The following ATXN7 variants were observed in gnomAD, a reference collection of about 807,000 sequenced individuals.
ATXN7 encodes ataxin-7.
Under a neutral mutation model 70.5 loss-of-function variants are expected in ATXN7, and 12 were observed. That is an observed-to-expected ratio of 0.17 (90% CI 0.11 to 0.28). ATXN7 has a LOEUF of 0.28. Among genes scored for constraint, ATXN7 ranks in the 10% least tolerant of loss-of-function variants. ATXN7 has a pLI of 1.00. For missense variants in ATXN7, 1,256 were observed against 1,131.7 expected (o/e 1.11, Z -1.58); for synonymous variants, 498 against 448.7 (o/e 1.11, Z -1.39).
intron 1 of ATXN7, chr3:63,866,947 A>G (rs1320019473): frequency 4.6e-5 from 7 of 151,006 alleles, no homozygotes; most frequent in Non-Finnish European, 8.8e-5. Flanking sequence ...TATTTGAGTC[A>G]TAAGATTTCT....
intron 5 of ATXN7, chr3:63,968,259 C>T: frequency 2.8e-6 from 1 of 360,438 alleles, no homozygotes; most frequent in African/African-American, 2.0e-5. Flanking sequence ...TCCACAGAAG[C>T]CATTCTGAAA....
intron 5 of ATXN7, among the ~76,000 whole-genome samples, chr3:63,959,757 A>T (rs2075095744): frequency 6.6e-6 from 1 of 152,184 alleles, no homozygotes; most frequent in Non-Finnish European, 1.5e-5. Flanking sequence ...TTTAATTTCT[A>T]GATATAAAAT....
At chr3:63,957,364 T>G (rs957494622) in intron 5 of ATXN7, among the ~76,000 whole-genome samples, 3 of 152,226 alleles carry the variant, frequency 2.0e-5, no homozygotes, top group Non-Finnish European at 2.9e-5. Context: ...TGGGCTCAGC[T>G]TGAGTCTCTA....
intron 5 of ATXN7, among the ~76,000 whole-genome samples, chr3:63,966,928 T>C (rs967635954): frequency 2.0e-5 from 3 of 152,216 alleles, no homozygotes; most frequent in African/African-American, 7.2e-5. Flanking sequence ...CACTTGGCAG[T>C]TTTTTCCATG....
chr3:63,988,042 A>G lies in ATXN7; in HGVS notation c.1096-17A>G. ...ATTAATGAGATTCCTCAGTTTCTGT[A>G]TTTTTTTGGTCCACAGACACATTCC... On this transcript the variant is annotated splice_polypyrimidine_tract_variant and intron_variant, in intron 8 of 12. Coordinates refer to ENST00000674280, the MANE Select transcript of ATXN7 (RefSeq NM_001377405.1). The G allele has an allele frequency of 2.5e-6, 4 of 1,608,026 alleles. No homozygotes were observed. The highest frequency in any genetic ancestry group is 2.5e-6 in the Non-Finnish European group (3 of 1,178,570).
chr3:63,876,689 T>A (rs1425759713), intron 1 of ATXN7, among the ~76,000 whole-genome samples: 1 of 152,214 alleles, frequency 6.6e-6, no homozygotes, highest in Non-Finnish European at 1.5e-5. Context: ...GTAGGCAGGT[T>A]TCTTGGTGTG....
At chr3:63,915,728 C>T (rs1704236324) in intron 4 of ATXN7, among the ~76,000 whole-genome samples, 1 of 150,594 alleles carries the variant, frequency 6.6e-6, no homozygotes, top group Admixed American at 6.6e-5. Context: ...GTTACCCAGG[C>T]TGGAGTGCAG....
intron 1 of ATXN7, among the ~76,000 whole-genome samples, chr3:63,889,003 A>G (rs192042530): frequency 1.3e-5 from 2 of 152,306 alleles, no homozygotes; most frequent in East Asian, 3.9e-4. Context: ...AAATTTTTAA[A>G]CGAATATTTA....
intron 4 of ATXN7, among the ~76,000 whole-genome samples, chr3:63,915,544 T>C (rs1366758543): frequency 1.3e-5 from 2 of 152,226 alleles, no homozygotes; most frequent in Non-Finnish European, 2.9e-5. Flanking sequence ...TATTCATTCA[T>C]TGTCTGCTTA....
chr3:63,973,155 T>C (rs2075340958), intron 5 of ATXN7, among the ~76,000 whole-genome samples: 1 of 152,214 alleles, frequency 6.6e-6, no homozygotes, highest in African/African-American at 2.4e-5. Flanking sequence ...AGCAAGGATA[T>C]GAACCCACAT....
At chr3:63,880,928 A>G (rs1248571290) in intron 1 of ATXN7, among the ~76,000 whole-genome samples, 4 of 152,212 alleles carry the variant, frequency 2.6e-5, no homozygotes, top group African/African-American at 9.6e-5. Context: ...ATGGCGCTCA[A>G]TAGATACTTG....
chr3:63,914,014 C>T (rs148796141), intron 4 of ATXN7, among the ~76,000 whole-genome samples: 189 of 152,314 alleles, frequency 1.2e-3, no homozygotes, highest in African/African-American at 4.4e-3. Flanking sequence ...GAAAGGACTT[C>T]TGAAGTCCAG....
intron 2 of ATXN7, chr3:63,911,598 C>A (rs1559628324): frequency 6.6e-6 from 1 of 152,142 alleles, no homozygotes; most frequent in South Asian, 2.1e-4. Context: ...AATATGTACA[C>A]GGGTTAAAGC....
chr3:63,943,281 A>G (rs1447668031), intron 4 of ATXN7, among the ~76,000 whole-genome samples: 3 of 152,222 alleles, frequency 2.0e-5, no homozygotes, highest in African/African-American at 7.2e-5. Flanking sequence ...CGAAGAGAGC[A>G]GTGTGTCTTG....
intron 5 of ATXN7, among the ~76,000 whole-genome samples, chr3:63,953,997 G>C (rs1178434919): frequency 6.6e-6 from 1 of 152,142 alleles, no homozygotes; most frequent in Non-Finnish European, 1.5e-5. Context: ...CGAGACTGCT[G>C]TTGTTGGGTT....
At chr3:63,930,027 A>G (rs1341209516) in intron 4 of ATXN7, among the ~76,000 whole-genome samples, 3 of 152,184 alleles carry the variant, frequency 2.0e-5, no homozygotes, top group Non-Finnish European at 4.4e-5. Flanking sequence ...CCTGCCCAGT[A>G]GTCTTTGGCA....
chr3:63,960,172 T>C (rs757208234), intron 5 of ATXN7, among the ~76,000 whole-genome samples: 3 of 152,256 alleles, frequency 2.0e-5, no homozygotes, highest in Non-Finnish European at 4.4e-5. Context: ...TTTGAAGATG[T>C]AGAGGACAAG....
intron 8 of ATXN7, among the ~76,000 whole-genome samples, chr3:63,987,630 A>G (rs948311724): frequency 1.3e-5 from 2 of 152,152 alleles, no homozygotes; most frequent in Non-Finnish European, 2.9e-5. Context: ...TGTTTTATGG[A>G]ATGATTGTTT....
chr3:63,989,660 C>T (rs759974383), intron 9 of ATXN7, among the ~76,000 whole-genome samples: 1 of 151,502 alleles, frequency 6.6e-6, no homozygotes, highest in Non-Finnish European at 1.5e-5. Context: ...TTAAAGTATA[C>T]GGGAGGATGC....
Sources: gnomAD v4.1 joint callset for allele counts (sites outside exome capture counted in the v4.1 genomes callset) on GRCh38, gnomAD v4.1.1 for gene constraint, MANE v1.5 for transcripts, NCBI Gene and HGNC (gene_info 2026-07-23, HGNC 2026-07-21) for gene names.